The following CPQ variants were observed in gnomAD, a reference collection of about 807,000 sequenced individuals.
CPQ encodes the protein carboxypeptidase Q.
In CPQ, 37 loss-of-function variants were observed where a neutral mutation model predicts 45.7. The ratio of observed to expected loss-of-function variants is 0.81; its 90% CI spans 0.62 to 1.07. The LOEUF (loss-of-function observed/expected upper bound fraction) is 1.07, where lower values mean the gene tolerates loss of function less well. CPQ is among the 50% of genes least tolerant of loss of function. The pLI, the probability that CPQ is intolerant of heterozygous loss-of-function variation, is 0.00. For missense variants in CPQ, 537 were observed against 572.9 expected, an observed-to-expected ratio of 0.94 and a Z score of 0.64; for synonymous variants, 186 against 205.8, an observed-to-expected ratio of 0.90 and a Z score of 0.82.
At chr8:96,713,982 G>A (rs1465114053) in intron 1 of CPQ, among the ~76,000 whole-genome samples, 2 of 152,202 alleles carry the variant, frequency 1.3e-5, no homozygotes, top group South Asian at 2.1e-4. Flanking sequence ...CTTCTGGCTT[G>A]TAAGGTTTCT....
At chr8:96,691,211 A>G (rs1320466950) in intron 1 of CPQ, among the ~76,000 whole-genome samples, 1 of 152,152 alleles carries the variant, frequency 6.6e-6, no homozygotes, top group Non-Finnish European at 1.5e-5. Flanking sequence ...TCCAGGTTCT[A>G]GTGGCTCCAG....
intron 4 of CPQ, among the ~76,000 whole-genome samples, chr8:96,923,250 T>C (rs1003110854): frequency 6.6e-6 from 1 of 152,190 alleles, no homozygotes; most frequent in Non-Finnish European, 1.5e-5. Context: ...GTATAAAATA[T>C]GAAATTGAAT....
chr8:96,939,226 T>C (rs1813092668), intron 4 of CPQ, among the ~76,000 whole-genome samples: 1 of 152,214 alleles, frequency 6.6e-6, no homozygotes, highest in South Asian at 2.1e-4. Context: ...AGGCATTAGT[T>C]AGAATTACCT....
At position 96,717,225 on chromosome 8, in the gene CPQ, T is replaced by C. The variant is rs142999103; in HGVS notation, c.-34-67639T>C. 3.4e-3 allele frequency among the ~76,000 whole-genome samples: 522 copies of C among 151,742 alleles called. 3 individuals are homozygous for C. The highest frequency in any genetic ancestry group is 0.012 in the African/African-American group (489 of 41,330). ...ATCTTTTTCATATAATGACTTCTTT[T>C]TCTTTGGGTAGATAGCCAGTAATGG... On this transcript the variant is annotated intron_variant, in intron 1 of 7. Transcript: ENST00000220763.
chr8:96,796,122 C>G (rs1309791899), intron 2 of CPQ, among the ~76,000 whole-genome samples: 1 of 152,048 alleles, frequency 6.6e-6, no homozygotes, highest in African/African-American at 2.4e-5. Context: ...CACCTATTCT[C>G]TTATTAGCAG....
intron 1 of CPQ, among the ~76,000 whole-genome samples, chr8:96,766,193 C>T (rs1478153456): frequency 2.0e-5 from 3 of 152,152 alleles, no homozygotes; most frequent in African/African-American, 7.2e-5. Context: ...GCCCTTAGCC[C>T]AGTGCTTGCT....
chr8:97,017,192 C>T (rs558875980), intron 5 of CPQ, among the ~76,000 whole-genome samples: 3 of 152,284 alleles, frequency 2.0e-5, no homozygotes, highest in African/African-American at 7.2e-5. Context: ...ACCTTACATG[C>T]AGCTGAGTCA....
At chr8:96,648,094 G>A (rs1227264635) in intron 1 of CPQ, among the ~76,000 whole-genome samples, 1 of 152,106 alleles carries the variant, frequency 6.6e-6, no homozygotes, top group East Asian at 1.9e-4. Context: ...ATTGAAGAGA[G>A]CAAAAGACGA....
chr8:97,022,694 C>T (rs543929933), intron 5 of CPQ, among the ~76,000 whole-genome samples: 2 of 151,992 alleles, frequency 1.3e-5, no homozygotes, highest in African/African-American at 4.8e-5. Flanking sequence ...ACCTTACTCC[C>T]GCAAGAATGA....
chr8:96,827,187 G>A (rs1467180710), intron 2 of CPQ, among the ~76,000 whole-genome samples: 2 of 152,046 alleles, frequency 1.3e-5, no homozygotes, highest in Non-Finnish European at 2.9e-5. Context: ...TGAGTTTTAA[G>A]AGGAAATAAT....
chr8:97,014,800 T>G (rs1809551761), intron 5 of CPQ, among the ~76,000 whole-genome samples: 1 of 152,126 alleles, frequency 6.6e-6, no homozygotes, highest in Admixed American at 6.5e-5. Context: ...CATAACTAAT[T>G]TTATACACAA....
chr8:96,905,116 G>A (rs1812559358), intron 4 of CPQ, among the ~76,000 whole-genome samples: 1 of 152,018 alleles, frequency 6.6e-6, no homozygotes, highest in Admixed American at 6.6e-5. Flanking sequence ...TACAATCATG[G>A]CACAAGGCCA....
chr8:96,832,547 A>G (rs1015810530), intron 2 of CPQ, among the ~76,000 whole-genome samples: 5 of 152,060 alleles, frequency 3.3e-5, no homozygotes, highest in African/African-American at 9.7e-5. Context: ...GGGTAGAGAG[A>G]GTTTCATTAA....
intron 7 of CPQ, among the ~76,000 whole-genome samples, chr8:97,139,574 C>A (rs1211617181): frequency 4.6e-5 from 7 of 151,458 alleles, no homozygotes; most frequent in African/African-American, 1.7e-4. Flanking sequence ...AATTAGAAAT[C>A]AATAATGAAA....
At chr8:96,973,356 G>T (rs1158845879) in intron 5 of CPQ, among the ~76,000 whole-genome samples, 2 of 152,072 alleles carry the variant, frequency 1.3e-5, no homozygotes, top group African/African-American at 2.4e-5. Flanking sequence ...AAGCCTCCAA[G>T]AAGTTTGGGA....
intron 7 of CPQ, among the ~76,000 whole-genome samples, chr8:97,100,144 C>T (rs757285680): frequency 5.9e-5 from 9 of 152,176 alleles, no homozygotes; most frequent in Admixed American, 1.3e-4. Flanking sequence ...ATAAGTTCCA[C>T]GAGAGGCAGC....
intron 7 of CPQ, among the ~76,000 whole-genome samples, chr8:97,093,770 A>G (rs1269593575): frequency 1.3e-5 from 2 of 152,170 alleles, no homozygotes; most frequent in African/African-American, 4.8e-5. Context: ...AGGTTAAACC[A>G]CCAATCAGAA....
At chr8:96,693,926 A>C (rs983507668) in intron 1 of CPQ, among the ~76,000 whole-genome samples, 3 of 152,194 alleles carry the variant, frequency 2.0e-5, no homozygotes, top group African/African-American at 7.2e-5. Flanking sequence ...GATGTAGGCA[A>C]TACAATAAGA....
At chr8:96,937,467 C>T (rs1344825425) in intron 4 of CPQ, among the ~76,000 whole-genome samples, 2 of 152,042 alleles carry the variant, frequency 1.3e-5, no homozygotes, top group Non-Finnish European at 2.9e-5. Flanking sequence ...AGGATTTTGC[C>T]TTGAGTTCAT....
Sources: allele counts gnomAD v4.1 joint callset (sites outside exome capture counted in the v4.1 genomes callset), GRCh38; gene constraint gnomAD v4.1.1; transcripts MANE v1.5; gene names NCBI Gene and HGNC (gene_info 2026-07-23, HGNC 2026-07-21).